DOCK8: variants seen among roughly 807,000 people sequenced by gnomAD.
DOCK8 encodes the protein dedicator of cytokinesis 8, also known as dedicator of cytokinesis protein 8.
DOCK8 carries 141 observed loss-of-function variants against 245.6 expected under a neutral mutation model. That is an observed-to-expected ratio of 0.57 (90% CI 0.50 to 0.66). DOCK8 has a LOEUF of 0.66. Among genes scored for constraint, DOCK8 ranks in the 30% least tolerant of loss-of-function variants. The pLI is 0.00. For missense variants in DOCK8, 2,965 were observed against 2,603.4 expected, an observed-to-expected ratio of 1.14 and a Z score of -3.02; for synonymous variants, 1,168 against 970.2, an observed-to-expected ratio of 1.20 and a Z score of -3.79.
At chr9:407,911 G>C (rs1012920849) in intron 28 of DOCK8, among the ~76,000 whole-genome samples, 1 of 152,150 alleles carries the variant, frequency 6.6e-6, no homozygotes, top group African/African-American at 2.4e-5. Context: ...TTGCAAAGTA[G>C]TTGAGATTCA....
At chr9:437,923 A>T (rs934005625) in intron 39 of DOCK8, among the ~76,000 whole-genome samples, 1 of 152,242 alleles carries the variant, frequency 6.6e-6, no homozygotes, top group African/African-American at 2.4e-5. Flanking sequence ...CATAGCTTCA[A>T]ATCTGTTCCT....
Position 274,353 on chromosome 9 carries a change from C to T in DOCK8, c.156+2624C>T, listed in dbSNP as rs150634714. Among the ~76,000 whole-genome samples, 1,152 of 152,212 alleles carry T rather than the reference C, an allele frequency of 7.6e-3. 17 individuals carry two copies. Among genetic ancestry groups the T allele is most frequent in the African/African-American group, 0.026 (1,063 of 41,540 alleles). ...TAGAATATATTACTCCCAGTTATTC[C>T]GCTTTACTTTTCTGAATCTCTTTTC... On this transcript the variant is annotated intron_variant, in intron 2 of 47. Coordinates refer to ENST00000432829, the MANE Select transcript of DOCK8 (RefSeq NM_203447.4).
rs557936536 is a variant in DOCK8 at position 304,695 on chromosome 9, C to A, written c.519C>A (p.Pro173=). The A allele has an allele frequency of 6.2e-7, 1 of 1,614,146 alleles. No homozygotes were observed. The highest frequency in any genetic ancestry group is 8.5e-7 in the Non-Finnish European group (1 of 1,180,004). ...CGGAAACCTTGGAGTGCAGTGAACCCGCTGCTCAGGTATTTCCTGTCAACA... is the reference window on the plus strand; with the variant it reads ...CGGAAACCTTGGAGTGCAGTGAACCAGCTGCTCAGGTATTTCCTGTCAACA... The part of the protein sequence containing the change: ...FESETLECSE[P]AAQAGPRHLN... Residue 173 remains proline (P), a synonymous_variant, in exon 5 of 48, where the codon CCC becomes CCA. Coordinates refer to ENST00000432829, the MANE Select transcript of DOCK8 (RefSeq NM_203447.4).
chr9:419,695 G>C lies in DOCK8; in HGVS notation c.3841-706G>C, dbSNP rs529740339. 3.9e-5 allele frequency among the ~76,000 whole-genome samples: 6 copies of C among 152,226 alleles called. No individual in the cohort carries two copies. The South Asian group carries it at 1.2e-3, about 32-fold the overall frequency. Reference sequence around the variant, plus strand: ...CTACGCTGCATGAACCAAGGGTGCAGCCTCATTGTTGTTGTTTGTGTTGAT... The same window carrying C: ...CTACGCTGCATGAACCAAGGGTGCACCCTCATTGTTGTTGTTTGTGTTGAT... On this transcript the variant is annotated intron_variant, in intron 30 of 47. Coordinates refer to ENST00000432829, the MANE Select transcript of DOCK8 (RefSeq NM_203447.4).
chr9:271,751 A>C (rs1312809136), intron 2 of DOCK8, 22 bp downstream of exon 2: 27 of 1,528,288 alleles, frequency 1.8e-5, no homozygotes, highest in Non-Finnish European at 2.3e-5. Flanking sequence ...TTCCAGGTTT[A>C]CTTAGCGATT....
At chr9:463,156 C>T (rs2057858706) in intron 46 of DOCK8, among the ~76,000 whole-genome samples, 1 of 152,054 alleles carries the variant, frequency 6.6e-6, no homozygotes, top group South Asian at 2.1e-4. Flanking sequence ...ACCCAGGAGG[C>T]TGAGGTAGGA....
At chr9:314,721 C>T (rs920914037) in intron 6 of DOCK8, among the ~76,000 whole-genome samples, 1 of 152,128 alleles carries the variant, frequency 6.6e-6, no homozygotes, top group Non-Finnish European at 1.5e-5. Context: ...TGTGCTTTCT[C>T]CAAAGAAAGT....
chr9:360,634 G>A (rs2052684013), intron 14 of DOCK8, among the ~76,000 whole-genome samples: 1 of 152,104 alleles, frequency 6.6e-6, no homozygotes, highest in Non-Finnish European at 1.5e-5. Flanking sequence ...CGGTTTTGAG[G>A]TTTTACTTTT....
At chr9:416,423 A>G (rs2056015574) in intron 29 of DOCK8, among the ~76,000 whole-genome samples, 1 of 152,220 alleles carries the variant, frequency 6.6e-6, no homozygotes, top group South Asian at 2.1e-4. Flanking sequence ...GTCAATTAGA[A>G]TATTCCGTAT....
In DOCK8 at chr9:311,980, G is replaced by A; in HGVS notation, c.555G>A (p.Leu185=). ...CAGGCCCCCGCCACTTAAACGTGCT[G>A]TGCGACGTGTCTGGGAAAGGCCCCG... is the stretch of plus-strand genomic sequence containing the variant. The part of the protein sequence containing the change: ...AQAGPRHLNV[L]CDVSGKGPVT... The change falls in exon 6 of 48, where the codon CTG becomes CTA. Residue 185 remains leucine, a synonymous_variant. Transcript: ENST00000432829. The A allele has an allele frequency of 6.2e-7, 1 of 1,614,112 alleles. No individual in the cohort carries two copies.
chr9:417,843 T>A (rs984850163), intron 29 of DOCK8, among the ~76,000 whole-genome samples: 1 of 152,244 alleles, frequency 6.6e-6, no homozygotes, highest in African/African-American at 2.4e-5. Flanking sequence ...AAACTTTTTG[T>A]TCACACAATT....
rs1237906578 is a variant in DOCK8, at chr9:214,986, C to G, written c.10C>G (p.Leu4Val). Residue 4 changes from leucine (L) to valine (V), a missense_variant, in exon 1 of 48, where the codon CTG becomes GTG. Physicochemically the swap from Leu to Val is conservative, Grantham distance 32. Transcript: ENST00000432829. ...GAACCGCCGGCGGGCCATGGCCACT[C>G]TGCCGAGCGCAGAGCGCCGCGCGTT... Reference protein sequence around the residue: MATLPSAERRAFAL... With the variant: MATVPSAERRAFAL... 4 of 1,599,704 alleles carry G rather than the reference C, an allele frequency of 2.5e-6. No individual in the cohort carries two copies. Among genetic ancestry groups the G allele is most frequent in the Non-Finnish European group, 1.7e-6 (2 of 1,176,330 alleles).
chr9:437,007 AAT>A lies in DOCK8; in HGVS notation c.5079+2033_5079+2034del, dbSNP rs560747672. ...GAGGGCTTCTTGATGTAGAGGAGGC[AAT>A]GAGTTAGGTGTTGTCAGCTACAGAA... On this transcript the variant is annotated intron_variant, in intron 39 of 47. Coordinates refer to ENST00000432829, the MANE Select transcript of DOCK8 (RefSeq NM_203447.4). 2.4e-3 allele frequency among the ~76,000 whole-genome samples: 361 copies of A among 152,288 alleles called. 1 individual carries two copies. Among genetic ancestry groups the A allele is most frequent in the African/African-American group, 8.3e-3 (343 of 41,564 alleles).
chr9:445,829 A>G (rs1161413531), intron 43 of DOCK8, among the ~76,000 whole-genome samples: 1 of 152,134 alleles, frequency 6.6e-6, no homozygotes, highest in African/African-American at 2.4e-5. Flanking sequence ...CACACATAGG[A>G]GTGGGGTTGC....
intron 1 of DOCK8, among the ~76,000 whole-genome samples, chr9:257,133 C>G (rs2047796410): frequency 6.6e-6 from 1 of 152,094 alleles, no homozygotes. Flanking sequence ...TTCCATCCTC[C>G]AAACTAAAAT....
intron 33 of DOCK8, among the ~76,000 whole-genome samples, chr9:423,782 A>G (rs1260893732): frequency 1.3e-5 from 2 of 152,192 alleles, no homozygotes; most frequent in Non-Finnish European, 2.9e-5. Context: ...CAACTACAAA[A>G]TATGCATGCC....
intron 7 of DOCK8, among the ~76,000 whole-genome samples, chr9:324,205 A>T (rs1472155813): frequency 6.6e-6 from 1 of 152,216 alleles, no homozygotes; most frequent in Non-Finnish European, 1.5e-5. Context: ...CTCATTTCCA[A>T]AGGCGCCATT....
At chr9:372,319 G>A (rs754067147) in intron 18 of DOCK8, 33 bp downstream of exon 18, 6 of 1,556,988 alleles carry the variant, frequency 3.9e-6, no homozygotes, top group South Asian at 2.2e-5. Flanking sequence ...GCTGTTTCTT[G>A]TCCAGCTGTA....
intron 14 of DOCK8, among the ~76,000 whole-genome samples, chr9:342,120 G>C (rs550117710): frequency 4.8e-4 from 73 of 152,100 alleles, no homozygotes; most frequent in African/African-American, 1.7e-3. Context: ...ACGATAAATG[G>C]AATGTGCTTG....
Sources: allele counts gnomAD v4.1 joint callset (sites outside exome capture counted in the v4.1 genomes callset), GRCh38; gene constraint gnomAD v4.1.1; transcripts MANE v1.5; gene names NCBI Gene and HGNC (gene_info 2026-07-23, HGNC 2026-07-21).